The following PKD2L2 variants were observed in gnomAD, a reference collection of about 807,000 sequenced individuals.
PKD2L2 encodes the protein polycystin-2-like protein 2.
In PKD2L2, 67 loss-of-function variants were observed where a neutral mutation model predicts 83.9. The observed-to-expected ratio is 0.80, with a 90% CI of 0.66 to 0.98. The LOEUF is 0.98. Among genes scored for constraint, PKD2L2 ranks in the 50% least tolerant of loss-of-function variants. The pLI is 0.00. For missense variants in PKD2L2, 632 were observed against 717.2 expected (o/e 0.88, Z 1.36); for synonymous variants, 223 against 237.8 (o/e 0.94, Z 0.57).
chr5:137,931,701 T>C (rs971024590), intron 12 of PKD2L2, among the ~76,000 whole-genome samples: 1 of 152,200 alleles, frequency 6.6e-6, no homozygotes, highest in African/African-American at 2.4e-5. Context: ...CCTCTTCACC[T>C]TACTTAATAG....
At chr5:137,905,110 G>A (rs569060233) in intron 5 of PKD2L2, among the ~76,000 whole-genome samples, 1 of 152,300 alleles carries the variant, frequency 6.6e-6, no homozygotes, top group South Asian at 2.1e-4. Context: ...CTGGCTTTAA[G>A]TCACATGAAG....
Position 137,899,601 on chromosome 5 carries a change from T to C in PKD2L2, c.610T>C (p.Leu204=). 6.2e-7 allele frequency: 1 copy of C among 1,614,004 alleles called. No individual in the cohort carries two copies. Among genetic ancestry groups the C allele is most frequent in the Non-Finnish European group, 8.5e-7 (1 of 1,179,842 alleles). Residue 204 remains leucine (L), a synonymous_variant, in exon 5 of 15, where the codon TTA becomes CTA. Transcript: ENST00000508883. ...VYRNGGYIFT[L]SKSKSETKNK... Reference sequence around the variant, plus strand: ...CCGAAATGGGGGATACATTTTCACTTTATCAAAATCGAAATCTGAAACCAA... The same window carrying C: ...CCGAAATGGGGGATACATTTTCACTCTATCAAAATCGAAATCTGAAACCAA...
chr5:137,922,035 T>C (rs1758951591), intron 9 of PKD2L2, among the ~76,000 whole-genome samples: 2 of 152,216 alleles, frequency 1.3e-5, no homozygotes, highest in Non-Finnish European at 2.9e-5. Flanking sequence ...GCTGGGACAA[T>C]GCATGCCATG....
intron 5 of PKD2L2, among the ~76,000 whole-genome samples, chr5:137,903,336 C>A (rs1426432910): frequency 6.6e-6 from 1 of 152,154 alleles, no homozygotes; most frequent in African/African-American, 2.4e-5. Flanking sequence ...GTGTTTGAGT[C>A]CAGCATCAAG....
rs181132009 is a variant in PKD2L2 at position 137,933,186 on chromosome 5, A to C, written c.1672-2611A>C. Among the ~76,000 whole-genome samples the C allele has an allele frequency of 1.3e-3, 198 of 152,284 alleles. 1 individual carries two copies. Among genetic ancestry groups the C allele is most frequent in the Admixed American group, 4.1e-3 (62 of 15,296 alleles). ...AAAACCCAACATCACAGAGTATAAG[A>C]GGGTAAATTTTGAGCTGAACAGTTG... On this transcript the variant is annotated intron_variant, in intron 12 of 14. Transcript: ENST00000508883.
At chr5:137,891,592 A>G (rs1485823592) in intron 2 of PKD2L2, among the ~76,000 whole-genome samples, 1 of 152,246 alleles carries the variant, frequency 6.6e-6, no homozygotes, top group South Asian at 2.1e-4. Context: ...GTAAAAATGT[A>G]AGTAAAAAGA....
At chr5:137,941,254 C>G (rs1581029764) in intron 14 of PKD2L2, among the ~76,000 whole-genome samples, 1 of 152,022 alleles carries the variant, frequency 6.6e-6, no homozygotes, top group Non-Finnish European at 1.5e-5. Flanking sequence ...ATATAGGAGA[C>G]TCACAAAGCA....
In PKD2L2 at chr5:137,905,832, A is replaced by T. The variant is rs567749645; in HGVS notation, c.747-374A>T. On this transcript the variant is annotated intron_variant, in intron 5 of 14. Transcript: ENST00000508883. ...ATATTGGGGAAGAGTTTTAACTAAT[A>T]ACAGTAACTAACAGTATAGCATTTT... Among the ~76,000 whole-genome samples, 14 of 152,306 alleles carry T rather than the reference A, an allele frequency of 9.2e-5. No individual in the cohort carries two copies. In the South Asian group the frequency reaches 2.1e-3, roughly 23 times the overall value.
intron 14 of PKD2L2, chr5:137,939,788 A>C: frequency 8.8e-7 from 1 of 1,131,832 alleles, no homozygotes; most frequent in Non-Finnish European, 1.1e-6. Flanking sequence ...TTTCTTTCAA[A>C]TTTTCAGTCA....
At chr5:137,933,475 GGAGA>G (rs1034856943) in intron 12 of PKD2L2, among the ~76,000 whole-genome samples, 5 of 152,122 alleles carry the variant, frequency 3.3e-5, no homozygotes, top group Non-Finnish European at 7.4e-5. Context: ...CTTAGATAAA[GGAGA>G]AAGAAAATAT....
chr5:137,936,371 G>A lies in PKD2L2; in HGVS notation c.1836G>A (p.Leu612=), dbSNP rs1387140810. The A allele has an allele frequency of 6.5e-7, 1 of 1,533,928 alleles. No homozygotes were observed. The highest frequency in any genetic ancestry group is 2.0e-5 in the Admixed American group (1 of 51,004). The change falls in exon 14 of 15, where the codon TTG becomes TTA. Residue 612 remains leucine (L), a synonymous_variant. Transcript: ENST00000508883. ...AGAAGGAATTACACTACATCAATTTGAAGCTAAATCAAGTGGTGAGAAAGG... is the reference window on the plus strand; with the variant it reads ...AGAAGGAATTACACTACATCAATTTAAAGCTAAATCAAGTGGTGAGAAAGG... ...ELEKELHYIN[L]KLNQVVRKVS...
At chr5:137,903,874 A>G (rs1376726888) in intron 5 of PKD2L2, among the ~76,000 whole-genome samples, 1 of 152,082 alleles carries the variant, frequency 6.6e-6, no homozygotes, top group Non-Finnish European at 1.5e-5. Flanking sequence ...CTACTGCCTC[A>G]ACCTCCTGAG....
At chr5:137,909,787 G>A (rs963303010) in intron 8 of PKD2L2, among the ~76,000 whole-genome samples, 5 of 151,606 alleles carry the variant, frequency 3.3e-5, no homozygotes, top group Non-Finnish European at 5.9e-5. Context: ...CTCCTGCCTC[G>A]GCCTTTCAAA....
chr5:137,905,551 C>A (rs563610995), intron 5 of PKD2L2, among the ~76,000 whole-genome samples: 6 of 152,248 alleles, frequency 3.9e-5, no homozygotes, highest in Admixed American at 2.6e-4. Flanking sequence ...GCTGGTTCCT[C>A]AAATTGCCAC....
At chr5:137,902,487 A>AG (rs1757045099) in intron 5 of PKD2L2, among the ~76,000 whole-genome samples, 2 of 151,832 alleles carry the variant, frequency 1.3e-5, no homozygotes, top group African/African-American at 4.8e-5. Context: ...AAAGACCATT[A>AG]TGAAGACCCA....
intron 8 of PKD2L2, among the ~76,000 whole-genome samples, chr5:137,920,359 T>C (rs938869573): frequency 1.3e-5 from 2 of 152,234 alleles, no homozygotes; most frequent in Non-Finnish European, 2.9e-5. Flanking sequence ...TTGTTACTAC[T>C]GTGCTACTCA....
chr5:137,910,742 G>C (rs2150026229), intron 8 of PKD2L2, among the ~76,000 whole-genome samples: 1 of 150,256 alleles, frequency 6.7e-6, no homozygotes, highest in African/African-American at 2.4e-5. Context: ...TCATGCCACT[G>C]CACTCCAGCC....
chr5:137,924,623 T>C (rs1485553406), intron 10 of PKD2L2, among the ~76,000 whole-genome samples: 1 of 152,168 alleles, frequency 6.6e-6, no homozygotes, highest in African/African-American at 2.4e-5. Context: ...TTAGTGGGGT[T>C]TACGAACTTT....
intron 10 of PKD2L2, 125 bp from the exon 11 acceptor site, chr5:137,924,915 C>T (rs1759248168): frequency 3.1e-6 from 2 of 640,106 alleles, no homozygotes; most frequent in Admixed American, 2.8e-5. Context: ...TAGCATTTAC[C>T]TCCACAGTCC....
Sources: gnomAD v4.1 joint callset for allele counts (sites outside exome capture counted in the v4.1 genomes callset) on GRCh38, gnomAD v4.1.1 for gene constraint, MANE v1.5 for transcripts, NCBI Gene and HGNC (gene_info 2026-07-23, HGNC 2026-07-21) for gene names.